The following MYO1H variants were observed in gnomAD, a reference collection of about 807,000 sequenced individuals.
The protein encoded by MYO1H is unconventional myosin-Ih.
Under a neutral mutation model 149.3 loss-of-function variants are expected in MYO1H, and 118 were observed. The ratio of observed to expected loss-of-function variants is 0.79; its 90% CI spans 0.68 to 0.92. The LOEUF (loss-of-function observed/expected upper bound fraction) is 0.92, where lower values mean the gene tolerates loss of function less well. Ranked by LOEUF, MYO1H falls within the 40% of genes least tolerant of loss-of-function variation. The pLI is 0.00. For missense variants in MYO1H, 1,212 were observed against 1,280.7 expected (o/e 0.95, Z 0.82); for synonymous variants, 447 against 465.2 (o/e 0.96, Z 0.50).
chr12:109,388,842 T>C (rs1388040638), exon 2 of MYO1H: 1 of 1,605,542 alleles, frequency 6.2e-7, no homozygotes, highest in African/African-American at 1.3e-5. Context: ...GAACCTCATA[T>C]ACGTAACGTG....
intron 1 of MYO1H, among the ~76,000 whole-genome samples, chr12:109,371,594 A>G (rs1868984023): frequency 6.6e-6 from 1 of 152,222 alleles, no homozygotes; most frequent in South Asian, 2.1e-4. Flanking sequence ...TGCATGAACC[A>G]TAATTTAATT....
chr12:109,318,970 TTG>T, the MYO1H span, among the ~76,000 whole-genome samples: 29 of 118,512 alleles, frequency 2.4e-4, no homozygotes, highest in African/African-American at 6.6e-4. Context: ...GTTTTTGGTT[TTG>T]TTTTTTTTTT....
the MYO1H span, among the ~76,000 whole-genome samples, chr12:109,323,722 A>G: frequency 2.5e-4 from 38 of 152,242 alleles, no homozygotes; most frequent in Non-Finnish European, 5.1e-4. Context: ...CCAACAGGGT[A>G]TGGAAAGCAG....
rs1869489209 is a variant in MYO1H, at chr12:109,388,626, C to T, written c.13-57C>T. 6 of 1,406,966 alleles carry T rather than the reference C, an allele frequency of 4.3e-6. No individual in the cohort carries two copies. In the South Asian group the frequency reaches 4.9e-5, roughly 12 times the overall value. The allele number at this position is 1,406,966 out of a possible 1,614,324, so 87.2% of individuals were successfully genotyped here. A position where few individuals can be genotyped will look rare whatever the true frequency, so the allele number is the denominator to read the frequency against. On this transcript the variant is annotated intron_variant, in intron 1 of 31. Coordinates refer to ENST00000310903, the Ensembl canonical transcript of MYO1H. ...CATCTTGTTATTTCCATGCATTAGA[C>T]GTGTAATAGATATTACCAAATAGAT... is the stretch of plus-strand genomic sequence containing the variant.
chr12:109,406,783 A>G lies in MYO1H; in HGVS notation c.964-6A>G, dbSNP rs764266218. On this transcript the variant is annotated splice_region_variant and splice_polypyrimidine_tract_variant and intron_variant, in intron 8 of 31. Transcript: ENST00000310903. ...GAATAGCATTCTGGATTTCTTTTAC[A>G]TGCAGCTCCTGGGGGTCCACCCATC... 51 of 1,613,700 alleles carry G rather than the reference A, an allele frequency of 3.2e-5. No homozygotes were observed. In the Middle Eastern group the frequency reaches 4.9e-4, roughly 16 times the overall value.
At chr12:109,415,448 C>A in intron 14 of MYO1H, 78 bp from the exon 15 acceptor site, 2 of 1,369,158 alleles carry the variant, frequency 1.5e-6, no homozygotes, top group Non-Finnish European at 1.0e-6. Flanking sequence ...TGCACTCCAG[C>A]TTGGGCAACA....
Position 109,425,955 on chromosome 12 carries a change from C to T in MYO1H, c.1735C>T (p.Gln579Ter), listed in dbSNP as rs932101830. The change falls in exon 18 of 32, where the codon CAG becomes TAG. Residue 579 changes from glutamine to a stop codon, truncating the protein, a stop_gained. Coordinates refer to ENST00000310903, the Ensembl canonical transcript of MYO1H. LOFTEE classifies it high-confidence loss of function. ...CTCTCTCTCTCTGCAGGTGGGGACT[C>T]AGTTTAAAAACAGTCTGAGCAGCCT... 3.1e-6 allele frequency: 5 copies of T among 1,612,382 alleles called. No individual in the cohort carries two copies. In the African/African-American group the frequency reaches 5.3e-5, roughly 17 times the overall value.
At chr12:109,311,695 C>T in the MYO1H span, among the ~76,000 whole-genome samples, 1 of 152,186 alleles carries the variant, frequency 6.6e-6, no homozygotes, top group Admixed American at 6.5e-5. Flanking sequence ...TGAAATTCAC[C>T]TGCGTCCATA....
At chr12:109,402,684 G>A (rs1199170195) in intron 6 of MYO1H, among the ~76,000 whole-genome samples, 2 of 152,138 alleles carry the variant, frequency 1.3e-5, no homozygotes, top group African/African-American at 4.8e-5. Flanking sequence ...TTTATACTAA[G>A]CAAACTCAAC....
In MYO1H at chr12:109,435,033, C is replaced by A. The variant is rs1380739068; in HGVS notation, c.2064-4C>A. 1.2e-6 allele frequency: 2 copies of A among 1,602,868 alleles called. No homozygotes were observed. The highest frequency in any genetic ancestry group is 1.7e-6 in the Non-Finnish European group (2 of 1,175,182). On this transcript the variant is annotated splice_polypyrimidine_tract_variant and splice_region_variant and intron_variant, in intron 20 of 31. Transcript: ENST00000310903. ...ATAACAAAAACATTTCTTTTCACTT[C>A]TAGAACCAAAATATTCATTCGTTTC...
intron 1 of MYO1H, among the ~76,000 whole-genome samples, chr12:109,379,532 C>T (rs1320339667): frequency 6.6e-6 from 1 of 151,980 alleles, no homozygotes; most frequent in East Asian, 1.9e-4. Flanking sequence ...ATATAGTAAG[C>T]ACAAATAGTG....
the MYO1H span, among the ~76,000 whole-genome samples, chr12:109,339,282 T>C: frequency 6.6e-6 from 1 of 152,098 alleles, no homozygotes; most frequent in Non-Finnish European, 1.5e-5. Context: ...GGAGAATTGC[T>C]TGAATGCGGA....
chr12:109,384,281 A>G (rs369039034), intron 1 of MYO1H, among the ~76,000 whole-genome samples: 1 of 152,232 alleles, frequency 6.6e-6, no homozygotes, highest in African/African-American at 2.4e-5. Context: ...CACCATGGTT[A>G]TGCACAGTTA....
intron 1 of MYO1H, among the ~76,000 whole-genome samples, chr12:109,354,630 A>AAAAAAAAGAAAAG (rs796354256): frequency 2.9e-4 from 39 of 134,010 alleles, no homozygotes; most frequent in African/African-American, 1.1e-3. Context: ...AAAAAAAAAA[A>AAAAAAAAGAAAAG]AAAAGAAAAG....
At chr12:109,313,055 C>T in the MYO1H span, among the ~76,000 whole-genome samples, 3 of 151,944 alleles carry the variant, frequency 2.0e-5, no homozygotes, top group Non-Finnish European at 2.9e-5. Context: ...GCCTGAGCAA[C>T]ATGGTGAGAC....
the MYO1H span, among the ~76,000 whole-genome samples, chr12:109,322,095 A>G: frequency 6.6e-6 from 1 of 152,164 alleles, no homozygotes; most frequent in African/African-American, 2.4e-5. Flanking sequence ...AGAGCCAGAT[A>G]TGAGCTGGCT....
chr12:109,357,944 G>A (rs1198459789), intron 1 of MYO1H, among the ~76,000 whole-genome samples: 1 of 151,944 alleles, frequency 6.6e-6, no homozygotes, highest in Non-Finnish European at 1.5e-5. Context: ...TAGCTCAAGT[G>A]TCATTCTAAA....
chr12:109,369,906 G>A (rs1371920462), intron 1 of MYO1H, among the ~76,000 whole-genome samples: 1 of 152,144 alleles, frequency 6.6e-6, no homozygotes, highest in Non-Finnish European at 1.5e-5. Flanking sequence ...ACATGGCTTG[G>A]GAGGCCTCAC....
chr12:109,361,886 A>G (rs970977630), intron 1 of MYO1H, among the ~76,000 whole-genome samples: 7 of 151,728 alleles, frequency 4.6e-5, no homozygotes, highest in Non-Finnish European at 7.4e-5. Context: ...GTGCAACACT[A>G]TTACATAGAA....
Sources: gnomAD v4.1 joint callset for allele counts (sites outside exome capture counted in the v4.1 genomes callset) on GRCh38, gnomAD v4.1.1 for gene constraint, MANE v1.5 for transcripts, NCBI Gene and HGNC (gene_info 2026-07-23, HGNC 2026-07-21) for gene names.